The following SGCZ variants were observed in gnomAD, a reference collection of about 807,000 sequenced individuals.
SGCZ encodes the protein sarcoglycan zeta, also known as zeta-sarcoglycan.
In SGCZ, 40 loss-of-function variants were observed where a neutral mutation model predicts 41.3. The ratio of observed to expected loss-of-function variants is 0.97; its 90% CI spans 0.75 to 1.26. The LOEUF is 1.26. SGCZ is among the 50% of genes most tolerant of loss of function. The probability of loss-of-function intolerance (pLI) is 0.00; values close to 1 mark genes in which losing one functional copy is unlikely to be tolerated. For synonymous variants in SGCZ, 206 were observed against 137.5 expected (o/e 1.50, Z -3.49); for missense variants, 552 against 369.8 (o/e 1.49, Z -4.04).
At chr8:14,565,616 G>T (rs1235495925) in intron 1 of SGCZ, among the ~76,000 whole-genome samples, 1 of 151,982 alleles carries the variant, frequency 6.6e-6, no homozygotes, top group Non-Finnish European at 1.5e-5. Flanking sequence ...AAAACAAATT[G>T]GCCAGAAACG....
intron 1 of SGCZ, among the ~76,000 whole-genome samples, chr8:14,946,623 C>A (rs546028957): frequency 7.3e-5 from 11 of 151,404 alleles, no homozygotes; most frequent in African/African-American, 2.7e-4. Context: ...ATTCTCTTAA[C>A]AGGATTGGCA....
At chr8:14,853,717 G>C (rs766420240) in intron 1 of SGCZ, among the ~76,000 whole-genome samples, 12 of 152,056 alleles carry the variant, frequency 7.9e-5, no homozygotes, top group Non-Finnish European at 1.8e-4. Context: ...CCATAGAAGA[G>C]CTATTTTCTT....
intron 1 of SGCZ, among the ~76,000 whole-genome samples, chr8:14,748,613 A>C (rs1156383006): frequency 6.6e-6 from 1 of 152,188 alleles, no homozygotes; most frequent in Admixed American, 6.5e-5. Flanking sequence ...GAGCTTTACA[A>C]AACAGATTTT....
rs75723670 is a variant in SGCZ, at chr8:14,395,686, T to C, written c.235-71482A>G. Reference sequence around the variant, plus strand: ...TACTCTAAAATACCCTGACCCATTTTCCAAACTTCCTCACATAACCTAGGT... The same window carrying C: ...TACTCTAAAATACCCTGACCCATTTCCCAAACTTCCTCACATAACCTAGGT... On this transcript the variant is annotated intron_variant, in intron 2 of 7. Coordinates refer to ENST00000382080, the MANE Select transcript of SGCZ (RefSeq NM_139167.4). Among the ~76,000 whole-genome samples the C allele has an allele frequency of 4.2e-3, 644 of 152,310 alleles. 7 individuals carry two copies. The highest frequency in any genetic ancestry group is 0.022 in the East Asian group (115 of 5,176).
rs527996510 is a variant in SGCZ, at chr8:14,777,346, A to G, written c.40-222420T>C. Reference sequence around the variant, plus strand: ...TAATATTAACGACATTTAATTTGTAAAAGAGAAAGCTGAATAAAAAAATAC... The same window carrying G: ...TAATATTAACGACATTTAATTTGTAGAAGAGAAAGCTGAATAAAAAAATAC... On this transcript the variant is annotated intron_variant, in intron 1 of 7. Coordinates refer to ENST00000382080, the MANE Select transcript of SGCZ (RefSeq NM_139167.4). Among the ~76,000 whole-genome samples, 6 of 152,352 alleles carry G rather than the reference A, an allele frequency of 3.9e-5. No individual in the cohort carries two copies. In the South Asian group the frequency reaches 1.0e-3, roughly 26 times the overall value.
intron 2 of SGCZ, among the ~76,000 whole-genome samples, chr8:14,460,941 C>A (rs1800884928): frequency 6.6e-6 from 1 of 152,132 alleles, no homozygotes; most frequent in South Asian, 2.1e-4. Context: ...ACATCTATAA[C>A]TGAATCAGAT....
chr8:14,089,685 T>C lies in SGCZ; in HGVS notation c.*758A>G, dbSNP rs180965733. 3.3e-5 allele frequency among the ~76,000 whole-genome samples: 5 copies of C among 152,186 alleles called. No homozygotes were observed. In the South Asian group the frequency reaches 6.2e-4, roughly 19 times the overall value. On this transcript the variant is annotated 3_prime_UTR_variant, in exon 8 of 8. Coordinates refer to ENST00000382080, the MANE Select transcript of SGCZ (RefSeq NM_139167.4). ...TTAAAAGCAAATACGTCACATGCAG[T>C]AGCCATGTAAATACTATATAAGGCC...
intron 1 of SGCZ, among the ~76,000 whole-genome samples, chr8:15,169,620 A>C (rs939720026): frequency 2.0e-5 from 3 of 152,308 alleles, no homozygotes; most frequent in South Asian, 2.1e-4. Flanking sequence ...AATAAACAAC[A>C]ACCATTTATT....
chr8:14,870,963 T>C (rs1804126930), intron 1 of SGCZ, among the ~76,000 whole-genome samples: 1 of 152,004 alleles, frequency 6.6e-6, no homozygotes, highest in Non-Finnish European at 1.5e-5. Context: ...ATATCACCAC[T>C]TTGGGAGGCC....
At chr8:14,189,920 G>C (rs181996750) in intron 4 of SGCZ, among the ~76,000 whole-genome samples, 1 of 150,894 alleles carries the variant, frequency 6.6e-6, no homozygotes, top group African/African-American at 2.4e-5. Context: ...TAGAAAATTT[G>C]TTTATTTAAT....
At chr8:14,986,263 C>G (rs1442287706) in intron 1 of SGCZ, among the ~76,000 whole-genome samples, 1 of 152,052 alleles carries the variant, frequency 6.6e-6, no homozygotes, top group Non-Finnish European at 1.5e-5. Flanking sequence ...TGATATTACA[C>G]ATTATAGAAA....
chr8:14,815,530 A>T (rs540840034), intron 1 of SGCZ, among the ~76,000 whole-genome samples: 53 of 152,292 alleles, frequency 3.5e-4, no homozygotes, highest in African/African-American at 1.3e-3. Context: ...ATAAATCACT[A>T]TGAATTCTTT....
intron 1 of SGCZ, among the ~76,000 whole-genome samples, chr8:14,667,197 A>C (rs1807938078): frequency 6.6e-6 from 1 of 152,148 alleles, no homozygotes; most frequent in Non-Finnish European, 1.5e-5. Context: ...AGTAATGTAA[A>C]AGTTTTGGAG....
At chr8:15,167,206 C>T (rs150875476) in intron 1 of SGCZ, among the ~76,000 whole-genome samples, 6 of 152,290 alleles carry the variant, frequency 3.9e-5, no homozygotes, top group Admixed American at 1.3e-4. Context: ...CAATAAGAAT[C>T]CATTTTTCTT....
chr8:14,741,416 C>G (rs942820299), intron 1 of SGCZ, among the ~76,000 whole-genome samples: 3 of 152,072 alleles, frequency 2.0e-5, no homozygotes, highest in Non-Finnish European at 2.9e-5. Flanking sequence ...TCTATCCTTT[C>G]TCTCTTCTAA....
intron 2 of SGCZ, among the ~76,000 whole-genome samples, chr8:14,387,458 A>T (rs1804615166): frequency 6.6e-6 from 1 of 152,236 alleles, no homozygotes; most frequent in Non-Finnish European, 1.5e-5. Flanking sequence ...ATATTACTAT[A>T]TTCAGAATCA....
At chr8:14,313,492 T>C (rs1247495182) in intron 3 of SGCZ, among the ~76,000 whole-genome samples, 1 of 152,032 alleles carries the variant, frequency 6.6e-6, no homozygotes, top group Non-Finnish European at 1.5e-5. Flanking sequence ...AATTTTTGTA[T>C]TTTTAGTAGT....
At chr8:14,214,632 A>C (rs2117103704) in intron 4 of SGCZ, among the ~76,000 whole-genome samples, 1 of 152,280 alleles carries the variant, frequency 6.6e-6, no homozygotes. Flanking sequence ...TTATGAGAAA[A>C]TAATTTCAAA....
intron 1 of SGCZ, among the ~76,000 whole-genome samples, chr8:15,031,079 G>C (rs1464368843): frequency 6.6e-6 from 1 of 152,120 alleles, no homozygotes; most frequent in Admixed American, 6.5e-5. Context: ...GTGTGTGTGT[G>C]TGTGCGTTTT....
Sources: allele counts gnomAD v4.1 joint callset (sites outside exome capture counted in the v4.1 genomes callset), GRCh38; gene constraint gnomAD v4.1.1; transcripts MANE v1.5; gene names NCBI Gene and HGNC (gene_info 2026-07-23, HGNC 2026-07-21).